The following FRMPD1 variants were observed in gnomAD, a reference collection of about 807,000 sequenced individuals.
FRMPD1 encodes the protein FERM and PDZ domain-containing protein 1.
Under a neutral mutation model 117.8 loss-of-function variants are expected in FRMPD1, and 76 were observed. The ratio of observed to expected loss-of-function variants is 0.65; its 90% CI spans 0.54 to 0.78. FRMPD1 has a LOEUF of 0.78. Ranked by LOEUF, FRMPD1 falls within the 30% of genes least tolerant of loss-of-function variation. The pLI is 0.00. For synonymous variants in FRMPD1, 783 were observed against 770.4 expected (o/e 1.02, Z -0.27); for missense variants, 1,786 against 1,964.5 (o/e 0.91, Z 1.72).
intron 1 of FRMPD1, among the ~76,000 whole-genome samples, chr9:37,689,469 A>AC (rs1475110450): frequency 2.6e-5 from 4 of 152,166 alleles, no homozygotes; most frequent in Non-Finnish European, 1.5e-5. Flanking sequence ...CTACACAAAC[A>AC]CATCAGATAA....
chr9:37,615,551 A>G, the FRMPD1 span, among the ~76,000 whole-genome samples: 22,754 of 151,946 alleles, frequency 0.15, 2,162 homozygotes, highest in Admixed American at 0.21. Context: ...GCAAATCTCT[A>G]CTCTAATACA....
intron 13 of FRMPD1, among the ~76,000 whole-genome samples, chr9:37,736,085 C>G (rs1268818660): frequency 6.6e-6 from 1 of 151,340 alleles, no homozygotes; most frequent in African/African-American, 2.4e-5. Context: ...ACTGCAAGCT[C>G]CGCCTCGTGG....
intron 1 of FRMPD1, among the ~76,000 whole-genome samples, chr9:37,652,162 GA>G (rs1009106781): frequency 1.7e-4 from 25 of 151,128 alleles, no homozygotes; most frequent in East Asian, 5.8e-4. Context: ...GGTTGTTTGG[GA>G]AAAAAAAATA....
intron 15 of FRMPD1, among the ~76,000 whole-genome samples, chr9:37,741,782 GT>G (rs999681946): frequency 1.6e-4 from 24 of 152,124 alleles, no homozygotes; most frequent in African/African-American, 5.6e-4. Flanking sequence ...ACAAGTGCCT[GT>G]TTTTTCCCCC....
the FRMPD1 span, among the ~76,000 whole-genome samples, chr9:37,611,907 G>A: frequency 6.6e-5 from 10 of 152,006 alleles, no homozygotes; most frequent in African/African-American, 2.4e-4. Context: ...AATGACATTG[G>A]ACCTAAAGTG....
chr9:37,698,540 T>C (rs1822409026), intron 2 of FRMPD1, among the ~76,000 whole-genome samples: 1 of 144,426 alleles, frequency 6.9e-6, no homozygotes. Context: ...GTATTATGCA[T>C]CTCATTATCT....
At chr9:37,649,865 A>C (rs1820613447), upstream of FRMPD1, among the ~76,000 whole-genome samples, 2 of 151,956 alleles carry the variant, frequency 1.3e-5, no homozygotes, top group Non-Finnish European at 2.9e-5. Context: ...CCTCTGTGGG[A>C]TCTCTCTCAT....
intron 7 of FRMPD1, among the ~76,000 whole-genome samples, chr9:37,728,877 T>G (rs933523316): frequency 6.6e-6 from 1 of 151,378 alleles, no homozygotes; most frequent in Non-Finnish European, 1.5e-5. Context: ...ACATGAGAAT[T>G]GCTTGAACCC....
the FRMPD1 span, among the ~76,000 whole-genome samples, chr9:37,615,482 A>G: frequency 1.3e-5 from 2 of 152,074 alleles, no homozygotes; most frequent in Non-Finnish European, 2.9e-5. Context: ...AATATTTTCA[A>G]TGAGATTTCA....
At chr9:37,648,789 G>A (rs958660578), upstream of FRMPD1, among the ~76,000 whole-genome samples, 2 of 152,092 alleles carry the variant, frequency 1.3e-5, no homozygotes, top group Non-Finnish European at 2.9e-5. Flanking sequence ...GTAATTTGGG[G>A]GTAAGATGTG....
the FRMPD1 span, among the ~76,000 whole-genome samples, chr9:37,622,516 T>C: frequency 1.3e-5 from 2 of 152,240 alleles, no homozygotes; most frequent in African/African-American, 2.4e-5. Context: ...ATTTCTTCTT[T>C]TTCCCTGTCT....
At chr9:37,693,508 C>G (rs1822220256) in intron 2 of FRMPD1, among the ~76,000 whole-genome samples, 1 of 152,198 alleles carries the variant, frequency 6.6e-6, no homozygotes, top group African/African-American at 2.4e-5. Flanking sequence ...TGGCCAAGTT[C>G]TCTGATCCTC....
chr9:37,688,011 A>G (rs961668996), intron 1 of FRMPD1, among the ~76,000 whole-genome samples: 14 of 152,156 alleles, frequency 9.2e-5, no homozygotes, highest in African/African-American at 3.4e-4. Context: ...CAGGACAAAG[A>G]TAGTATGAAT....
chr9:37,735,406 C>G, intron 12 of FRMPD1, 146 bp from the exon 13 acceptor site: 1 of 635,982 alleles, frequency 1.6e-6, no homozygotes, highest in Non-Finnish European at 2.8e-6. Context: ...TGATGGGGTC[C>G]AAGTTAGGCA....
rs1824350680 is a variant in FRMPD1 at position 37,740,604 on chromosome 9, C to T, written c.2076C>T (p.Val692=). The T allele has an allele frequency of 6.2e-7, 1 of 1,614,090 alleles. No homozygotes were observed. Among genetic ancestry groups the T allele is most frequent in the African/African-American group, 1.3e-5 (1 of 74,938 alleles). The part of the protein sequence containing the change: ...TFGWAPELST[V]RLDPRLYEGS... ...GCTGGGCACCAGAACTGAGCACAGT[C>T]AGGCTGGACCCCAGGCTGTATGAAG... Residue 692 remains valine, a synonymous_variant, in exon 15 of 16, where the codon GTC becomes GTT. Coordinates refer to ENST00000377765, the MANE Select transcript of FRMPD1 (RefSeq NM_014907.3). The surrounding 1 kb of genome is among the most constrained non-coding windows in gnomAD (Gnocchi z 4.2).
intron 1 of FRMPD1, among the ~76,000 whole-genome samples, chr9:37,687,378 G>A (rs1239049616): frequency 2.0e-5 from 3 of 151,654 alleles, no homozygotes; most frequent in Non-Finnish European, 2.9e-5. Flanking sequence ...TGATTTTTCA[G>A]TGTGTTTTCA....
the FRMPD1 span, among the ~76,000 whole-genome samples, chr9:37,614,402 A>G: frequency 6.6e-6 from 1 of 152,262 alleles, no homozygotes; most frequent in African/African-American, 2.4e-5. Context: ...ACTTATTCAT[A>G]TTCATCTGTT....
At chr9:37,735,184 A>G (rs1824063254) in intron 12 of FRMPD1, among the ~76,000 whole-genome samples, 1 of 152,226 alleles carries the variant, frequency 6.6e-6, no homozygotes, top group Admixed American at 6.5e-5. Flanking sequence ...AAGGAGGCTG[A>G]GATCAGGCAG....
intron 1 of FRMPD1, among the ~76,000 whole-genome samples, chr9:37,653,631 A>G (rs1446162534): frequency 6.6e-6 from 1 of 152,148 alleles, no homozygotes; most frequent in Non-Finnish European, 1.5e-5. Flanking sequence ...TCAAGGACCC[A>G]GATTGGTGGG....
Sources: gnomAD v4.1 joint callset for allele counts (sites outside exome capture counted in the v4.1 genomes callset) on GRCh38, gnomAD v4.1.1 for gene constraint, Gnocchi (gnomAD v3.1) non-coding constraint, MANE v1.5 for transcripts, NCBI Gene and HGNC (gene_info 2026-07-23, HGNC 2026-07-21) for gene names.